COG5: variants seen among roughly 807,000 people sequenced by gnomAD.
COG5 encodes the protein conserved oligomeric Golgi complex subunit 5.
COG5 carries 86 observed loss-of-function variants against 110.4 expected under a neutral mutation model. The ratio of observed to expected loss-of-function variants is 0.78; its 90% CI spans 0.65 to 0.93. The LOEUF (loss-of-function observed/expected upper bound fraction) is 0.93. Ranked by LOEUF, COG5 falls within the 40% of genes least tolerant of loss-of-function variation. The pLI, the probability that COG5 is intolerant of heterozygous loss-of-function variation, is 0.00. For missense variants in COG5, 1,077 were observed against 987.0 expected (o/e 1.09, Z -1.22); for synonymous variants, 360 against 334.6 (o/e 1.08, Z -0.83).
intron 6 of COG5, among the ~76,000 whole-genome samples, chr7:107,465,233 C>T (rs1010850722): frequency 1.3e-5 from 2 of 152,074 alleles, no homozygotes; most frequent in Non-Finnish European, 2.9e-5. Flanking sequence ...GGAATTCACA[C>T]AAAAAACTCC....
intron 6 of COG5, among the ~76,000 whole-genome samples, chr7:107,469,387 G>C (rs935948719): frequency 7.9e-5 from 12 of 152,066 alleles, no homozygotes; most frequent in African/African-American, 2.9e-4. Context: ...ATTACTGATT[G>C]AAGTTTTATA....
intron 6 of COG5, among the ~76,000 whole-genome samples, chr7:107,456,888 G>A (rs1184686634): frequency 6.6e-6 from 1 of 152,160 alleles, no homozygotes; most frequent in African/African-American, 2.4e-5. Context: ...TAACAGTAGG[G>A]CTAAACTAGC....
chr7:107,269,908 C>G (rs944214883), intron 14 of COG5, among the ~76,000 whole-genome samples: 26 of 152,230 alleles, frequency 1.7e-4, no homozygotes, highest in Non-Finnish European at 2.9e-5. Flanking sequence ...GACTGGGTCA[C>G]GAGGAATTCT....
At chr7:107,469,535 G>T (rs1796507976) in intron 6 of COG5, among the ~76,000 whole-genome samples, 1 of 152,102 alleles carries the variant, frequency 6.6e-6, no homozygotes, top group Non-Finnish European at 1.5e-5. Context: ...CTGAAGTCAT[G>T]ACAATGTTTA....
At chr7:107,254,658 C>T (rs1275331866) in intron 16 of COG5, among the ~76,000 whole-genome samples, 3 of 152,092 alleles carry the variant, frequency 2.0e-5, no homozygotes, top group Non-Finnish European at 4.4e-5. Context: ...AAGATTAGGG[C>T]AATTTTCCCT....
intron 11 of COG5, among the ~76,000 whole-genome samples, chr7:107,310,022 T>C (rs986433003): frequency 3.9e-5 from 6 of 152,200 alleles, no homozygotes; most frequent in Admixed American, 6.5e-5. Flanking sequence ...AAGTGTACTA[T>C]ACACATATTT....
At chr7:107,374,576 C>T (rs1814467772) in intron 7 of COG5, among the ~76,000 whole-genome samples, 3 of 152,106 alleles carry the variant, frequency 2.0e-5, no homozygotes, top group Admixed American at 2.0e-4. Flanking sequence ...AAATAAACCA[C>T]TCTTCAAAAT....
chr7:107,558,267 C>G, intron 1 of COG5, 152 bp from the exon 2 acceptor site: 1 of 747,854 alleles, frequency 1.3e-6, no homozygotes, highest in Non-Finnish European at 2.2e-6. Context: ...TTTATCATGA[C>G]CCTAAAGGAA....
intron 10 of COG5, among the ~76,000 whole-genome samples, chr7:107,360,095 C>T (rs1037590010): frequency 2.6e-5 from 4 of 152,182 alleles, no homozygotes; most frequent in Non-Finnish European, 4.4e-5. Context: ...CTCCTCTATG[C>T]TGAGGGCTGC....
chr7:107,352,746 C>T lies in COG5; in HGVS notation c.1026+9287G>A, dbSNP rs535364065. ...TTCATAGTTACGATTCTCATTAGTA[C>T]AGCAACTGAAAATGCTGAATGCTCT... On this transcript the variant is annotated intron_variant, in intron 10 of 21. Coordinates refer to ENST00000297135, the MANE Select transcript of COG5 (RefSeq NM_006348.5). Among the ~76,000 whole-genome samples the T allele has an allele frequency of 7.0e-5, 10 of 143,132 alleles. No individual in the cohort carries two copies. In the South Asian group the frequency reaches 2.0e-3, roughly 28 times the overall value. The allele number at this position is 143,132 out of a possible 152,430, so 93.9% of individuals were successfully genotyped here.
intron 11 of COG5, among the ~76,000 whole-genome samples, chr7:107,310,564 C>A (rs184282034): frequency 1.3e-5 from 2 of 151,976 alleles, no homozygotes; most frequent in East Asian, 1.9e-4. Flanking sequence ...GGAGAAGAAA[C>A]GATAAAGAAC....
intron 13 of COG5, among the ~76,000 whole-genome samples, chr7:107,282,086 A>C (rs1300505398): frequency 6.6e-6 from 1 of 152,096 alleles, no homozygotes; most frequent in Non-Finnish European, 1.5e-5. Context: ...ACCCATATAC[A>C]GATGGAAAGC....
At chr7:107,320,702 G>A (rs1809189871) in intron 11 of COG5, among the ~76,000 whole-genome samples, 1 of 152,172 alleles carries the variant, frequency 6.6e-6, no homozygotes, top group Admixed American at 6.5e-5. Context: ...TACGGAAAGA[G>A]AGATCAGAGG....
At chr7:107,408,650 A>T (rs530327714) in intron 7 of COG5, among the ~76,000 whole-genome samples, 2 of 152,114 alleles carry the variant, frequency 1.3e-5, no homozygotes, top group Non-Finnish European at 2.9e-5. Flanking sequence ...TTGGTCATAG[A>T]GTGTTTGGAT....
intron 6 of COG5, among the ~76,000 whole-genome samples, chr7:107,446,580 A>T (rs1238366485): frequency 6.6e-6 from 1 of 152,174 alleles, no homozygotes; most frequent in Non-Finnish European, 1.5e-5. Context: ...ATTTGACTTT[A>T]AAAAACATTA....
At chr7:107,413,826 T>A (rs1792494603) in intron 6 of COG5, among the ~76,000 whole-genome samples, 1 of 152,170 alleles carries the variant, frequency 6.6e-6, no homozygotes, top group African/African-American at 2.4e-5. Flanking sequence ...TGTATTACTT[T>A]AATGCATCTG....
At chr7:107,523,510 C>G (rs1261502197) in intron 6 of COG5, among the ~76,000 whole-genome samples, 8 of 151,904 alleles carry the variant, frequency 5.3e-5, no homozygotes, top group Admixed American at 5.3e-4. Context: ...CTTTCAAATA[C>G]TACTGGTAAG....
intron 6 of COG5, among the ~76,000 whole-genome samples, chr7:107,459,017 CA>C (rs1169928376): frequency 2.7e-5 from 4 of 150,746 alleles, no homozygotes; most frequent in African/African-American, 9.7e-5. Flanking sequence ...TTACTCAATC[CA>C]AAAAAGGGTA....
chr7:107,272,706 T>C (rs1203926420), intron 14 of COG5, among the ~76,000 whole-genome samples: 1 of 152,162 alleles, frequency 6.6e-6, no homozygotes, highest in Admixed American at 6.6e-5. Context: ...CCCTAAGGTA[T>C]TGAATATGCT....
Sources: allele counts gnomAD v4.1 joint callset (sites outside exome capture counted in the v4.1 genomes callset), GRCh38; gene constraint gnomAD v4.1.1; transcripts MANE v1.5; gene names NCBI Gene and HGNC (gene_info 2026-07-23, HGNC 2026-07-21).